NDFIP1: variants seen among roughly 807,000 people sequenced by gnomAD.
NDFIP1 encodes the protein Nedd4 family interacting protein 1, also known as NEDD4 family-interacting protein 1.
NDFIP1 carries 7 observed loss-of-function variants against 28.8 expected under a neutral mutation model. The observed-to-expected ratio is 0.24, with a 90% CI of 0.14 to 0.46. The LOEUF (loss-of-function observed/expected upper bound fraction) is 0.46, where lower values mean the gene tolerates loss of function less well. Among genes scored for constraint, NDFIP1 ranks in the 20% least tolerant of loss-of-function variants. The pLI is 0.99. For synonymous variants in NDFIP1, 92 were observed against 101.0 expected (o/e 0.91, Z 0.53); for missense variants, 194 against 269.1 (o/e 0.72, Z 1.95).
At chr5:142,109,140 G>C in intron 1 of NDFIP1, 103 bp downstream of exon 1, 1 of 1,091,630 alleles carries the variant, frequency 9.2e-7, no homozygotes, top group Non-Finnish European at 1.2e-6. Context: ...ACTCGACGCC[G>C]GGGCTTGGCA....
intron 1 of NDFIP1, among the ~76,000 whole-genome samples, chr5:142,112,587 C>T (rs1296463841): frequency 2.1e-5 from 3 of 142,626 alleles, no homozygotes; most frequent in South Asian, 2.3e-4. Flanking sequence ...GTCAGGAGAT[C>T]GAGACCATCC....
chr5:142,114,705 G>C (rs1387482308), intron 1 of NDFIP1, among the ~76,000 whole-genome samples: 1 of 152,222 alleles, frequency 6.6e-6, no homozygotes, highest in Non-Finnish European at 1.5e-5. Flanking sequence ...TATCATGAGA[G>C]CTCTCTTGTA....
chr5:142,110,747 T>G (rs1319471023), intron 1 of NDFIP1, among the ~76,000 whole-genome samples: 2 of 152,220 alleles, frequency 1.3e-5, no homozygotes, highest in Non-Finnish European at 2.9e-5. Context: ...TATAGCTATG[T>G]AAATATACAT....
intron 3 of NDFIP1, among the ~76,000 whole-genome samples, chr5:142,133,441 C>T (rs754720906): frequency 3.9e-5 from 6 of 152,176 alleles, no homozygotes; most frequent in Non-Finnish European, 7.3e-5. Context: ...ATTATATTAT[C>T]TCCATTTTAC....
chr5:142,119,791 A>G (rs1182980096), intron 1 of NDFIP1, among the ~76,000 whole-genome samples: 1 of 152,212 alleles, frequency 6.6e-6, no homozygotes, highest in Non-Finnish European at 1.5e-5. Context: ...TAACACTCAT[A>G]TATCTATTAC....
At chr5:142,147,683 A>G (rs1757402681) in intron 7 of NDFIP1, among the ~76,000 whole-genome samples, 1 of 152,220 alleles carries the variant, frequency 6.6e-6, no homozygotes, top group Non-Finnish European at 1.5e-5. Context: ...CAGTCAAATT[A>G]CTAAAGGATA....
chr5:142,114,059 T>C (rs1757040622), intron 1 of NDFIP1, among the ~76,000 whole-genome samples: 1 of 152,206 alleles, frequency 6.6e-6, no homozygotes, highest in South Asian at 2.1e-4. Context: ...TCAGTTCTTT[T>C]GGATATACCC....
At chr5:142,150,140 C>T (rs765583580) in intron 7 of NDFIP1, among the ~76,000 whole-genome samples, 127 of 146,720 alleles carry the variant, frequency 8.7e-4, no homozygotes, top group Non-Finnish European at 1.0e-3. Context: ...GAAATTGTGC[C>T]ACTGCACTCC....
intron 1 of NDFIP1, among the ~76,000 whole-genome samples, chr5:142,127,994 C>T (rs1757187438): frequency 6.6e-6 from 1 of 152,034 alleles, no homozygotes; most frequent in South Asian, 2.1e-4. Flanking sequence ...TAAAATTGGT[C>T]AGAAATTATA....
At chr5:142,127,589 G>GTTTAATTAATAA (rs1757183573) in intron 1 of NDFIP1, among the ~76,000 whole-genome samples, 1 of 152,170 alleles carries the variant, frequency 6.6e-6, no homozygotes, top group Non-Finnish European at 1.5e-5. Flanking sequence ...GTTATAGGTA[G>GTTTAATTAATAA]TTCTGTATTA....
chr5:142,128,161 T>A (rs909479510), intron 1 of NDFIP1, among the ~76,000 whole-genome samples: 1 of 152,150 alleles, frequency 6.6e-6, no homozygotes, highest in Admixed American at 6.6e-5. Context: ...GAGTATCCCC[T>A]ACAACCCAGA....
intron 1 of NDFIP1, among the ~76,000 whole-genome samples, chr5:142,130,882 G>A (rs1351370397): frequency 2.6e-5 from 4 of 151,946 alleles, no homozygotes; most frequent in African/African-American, 9.7e-5. Context: ...ATTATATGAT[G>A]CCTATTGTTT....
intron 1 of NDFIP1, among the ~76,000 whole-genome samples, chr5:142,126,930 A>C (rs754016851): frequency 1.3e-5 from 2 of 152,202 alleles, no homozygotes; most frequent in African/African-American, 2.4e-5. Context: ...GATTCATAAA[A>C]ATGTCATATT....
At chr5:142,150,073 C>T (rs910773667) in intron 7 of NDFIP1, among the ~76,000 whole-genome samples, 10 of 151,364 alleles carry the variant, frequency 6.6e-5, no homozygotes, top group Admixed American at 1.3e-4. Context: ...CCCAGCTACT[C>T]GGGAGGCTGA....
At chr5:142,146,648 A>T (rs1005774822) in intron 7 of NDFIP1, among the ~76,000 whole-genome samples, 1 of 152,150 alleles carries the variant, frequency 6.6e-6, no homozygotes, top group African/African-American at 2.4e-5. Context: ...GGTGTAGTCT[A>T]ATGTTAGCTC....
At chr5:142,147,766 G>T (rs1245296236) in intron 7 of NDFIP1, among the ~76,000 whole-genome samples, 1 of 152,216 alleles carries the variant, frequency 6.6e-6, no homozygotes, top group East Asian at 1.9e-4. Context: ...GAGGGAAAAT[G>T]TAGTTTAAAA....
Position 142,140,862 on chromosome 5 carries a change from T to C in NDFIP1, c.562+233T>C, listed in dbSNP as rs946396542. Among the ~76,000 whole-genome samples, 5 of 152,328 alleles carry C rather than the reference T, an allele frequency of 3.3e-5. 1 individual carries two copies. Among genetic ancestry groups the C allele is most frequent in the Admixed American group, 3.3e-4 (5 of 15,292 alleles). ...GTAGGTTCTTCCTAACCTATACATATATTCTTCTCCCCCATGTGATAAATG... is the reference window on the plus strand; with the variant it reads ...GTAGGTTCTTCCTAACCTATACATACATTCTTCTCCCCCATGTGATAAATG... On this transcript the variant is annotated intron_variant, in intron 6 of 7. Transcript: ENST00000253814.
At chr5:142,118,353 G>A (rs1757090516) in intron 1 of NDFIP1, among the ~76,000 whole-genome samples, 1 of 152,136 alleles carries the variant, frequency 6.6e-6, no homozygotes, top group South Asian at 2.1e-4. Context: ...TTTTTGATGA[G>A]CTTGACAGTT....
At position 142,153,364 on chromosome 5, in the gene NDFIP1, C is replaced by A. The variant is rs746199908; in HGVS notation, c.*1636C>A. On this transcript the variant is annotated 3_prime_UTR_variant, in exon 8 of 8. Transcript: ENST00000253814. ...GCACAGTCTGATAGCTGCAAATGTC[C>A]ATTCATCTGCTGTGTATGTATATCC... 23 of 456,606 alleles carry A rather than the reference C, an allele frequency of 5.0e-5. No homozygotes were observed. The highest frequency in any genetic ancestry group is 9.7e-5 in the Non-Finnish European group (22 of 226,970). The allele number at this position is 456,606 out of a possible 1,614,324, so 28.3% of individuals were successfully genotyped here.
Sources: allele counts gnomAD v4.1 joint callset (sites outside exome capture counted in the v4.1 genomes callset), GRCh38; gene constraint gnomAD v4.1.1; transcripts MANE v1.5; gene names NCBI Gene and HGNC (gene_info 2026-07-23, HGNC 2026-07-21).